LRRC40: variants seen among roughly 807,000 people sequenced by gnomAD.
LRRC40 encodes the protein leucine rich repeat containing 40.
Under a neutral mutation model 72.8 loss-of-function variants are expected in LRRC40, and 76 were observed. The ratio of observed to expected loss-of-function variants is 1.04; its 90% CI spans 0.87 to 1.26. LRRC40 has a LOEUF of 1.26. Ranked by LOEUF, LRRC40 falls within the 50% of genes most tolerant of loss-of-function variation. LRRC40 has a pLI of 0.00. For missense variants in LRRC40, 684 were observed against 698.9 expected, an observed-to-expected ratio of 0.98 and a Z score of 0.24; for synonymous variants, 243 against 254.2, an observed-to-expected ratio of 0.96 and a Z score of 0.42.
chr1:70,163,024 G>A (rs745469363), intron 9 of LRRC40, among the ~76,000 whole-genome samples: 3 of 151,654 alleles, frequency 2.0e-5, no homozygotes, highest in African/African-American at 7.3e-5. Flanking sequence ...GTCTCATTGG[G>A]CTAAAATCAG....
intron 1 of LRRC40, among the ~76,000 whole-genome samples, chr1:70,197,809 G>C (rs1413645569): frequency 3.3e-5 from 5 of 152,104 alleles, no homozygotes; most frequent in African/African-American, 1.2e-4. Flanking sequence ...GCTGGGTGCA[G>C]TGGCTCATGC....
At position 70,175,810 on chromosome 1, in the gene LRRC40, C is replaced by A; in HGVS notation, c.977G>T (p.Ser326Ile). The A allele has an allele frequency of 6.5e-7, 1 of 1,529,650 alleles. No individual in the cohort carries two copies. Among genetic ancestry groups the A allele is most frequent in the Non-Finnish European group, 8.8e-7 (1 of 1,136,272 alleles). 94.8% of individuals were successfully genotyped at this position (1,529,650 alleles called of 1,614,324 possible). A position where few individuals can be genotyped will look rare whatever the true frequency, so the allele number is the denominator to read the frequency against. ...RLDLSNNDISSLPYSLGNLHL... is the reference protein window; with the variant it reads ...RLDLSNNDISILPYSLGNLHL... Reference sequence around the variant, plus strand: ...CTATTCATTTGATATTTAAACTTACCTACTAATATCATTGTTGCTTAGGTC... The same window carrying A: ...CTATTCATTTGATATTTAAACTTACATACTAATATCATTGTTGCTTAGGTC... The change falls in exon 7 of 15, where the codon AGT becomes ATT. Residue 326 changes from serine to isoleucine, a missense_variant and splice_region_variant. Ser to Ile is a moderately radical substitution (Grantham distance 142). Transcript: ENST00000370952.
In LRRC40 at chr1:70,187,028, TA is replaced by T. The variant is rs981065149; in HGVS notation, c.407+236del. 4.6e-5 allele frequency among the ~76,000 whole-genome samples: 7 copies of T among 151,568 alleles called. No homozygotes were observed. The East Asian group carries it at 7.7e-4, about 17-fold the overall frequency. Reference sequence around the variant, plus strand: ...ATAAAAAAAAAAAAATTTAAGCATTTAAAAAAAATCAACTAGCCTTGCATTT... The same window carrying T: ...ATAAAAAAAAAAAAATTTAAGCATTTAAAAAAATCAACTAGCCTTGCATTT... On this transcript the variant is annotated intron_variant, in intron 3 of 14. Transcript: ENST00000370952.
In LRRC40 at chr1:70,205,528, T is replaced by C. The variant is rs1668930085; in HGVS notation, c.13A>G (p.Lys5Glu). The C allele has an allele frequency of 6.3e-7, 1 of 1,596,478 alleles. No individual in the cohort carries two copies. The highest frequency in any genetic ancestry group is 8.6e-7 in the Non-Finnish European group (1 of 1,166,646). The change falls in exon 1 of 15, where the codon AAG becomes GAG. Residue 5 changes from lysine (K) to glutamate (E), a missense_variant. Coordinates refer to ENST00000370952, the MANE Select transcript of LRRC40 (RefSeq NM_017768.5). Reference protein sequence around the residue: MSRLKRIAGQDLRAG... With the variant: MSRLERIAGQDLRAG... ...CGGAGATCCTGCCCCGCTATCCGCT[T>C]CAGGCGCGACATGTTCAAAGTCCTA...
At chr1:70,149,909 A>G (rs1416063725) in intron 13 of LRRC40, among the ~76,000 whole-genome samples, 3 of 151,986 alleles carry the variant, frequency 2.0e-5, no homozygotes, top group African/African-American at 7.2e-5. Context: ...AGCTGCTAAT[A>G]TTTTATTTTT....
At position 70,151,210 on chromosome 1, in the gene LRRC40, A is replaced by G. The variant is rs1667478513; in HGVS notation, c.1440-5T>C. ...AAAGAATTTAAAAAATTGTTCCTAA[A>G]TTGGAAATCAAAACAGAAGATTTAC... is the stretch of plus-strand genomic sequence containing the variant. On this transcript the variant is annotated splice_region_variant and splice_polypyrimidine_tract_variant and intron_variant, in intron 12 of 14. Transcript: ENST00000370952. 4.8e-6 allele frequency: 7 copies of G among 1,464,030 alleles called. No individual in the cohort carries two copies. Among genetic ancestry groups the G allele is most frequent in the Non-Finnish European group, 5.7e-6 (6 of 1,047,508 alleles). The allele number at this position is 1,464,030 out of a possible 1,614,324, so 90.7% of individuals were successfully genotyped here.
chr1:70,194,689 A>G lies in LRRC40; in HGVS notation c.152-5416T>C, dbSNP rs1245599611. Among the ~76,000 whole-genome samples the G allele has an allele frequency of 2.0e-5, 3 of 152,234 alleles. No homozygotes were observed. The South Asian group carries it at 6.2e-4, about 32-fold the overall frequency. On this transcript the variant is annotated intron_variant, in intron 1 of 14. Transcript: ENST00000370952. ...GCACAATCCTAATAAAAATCCCAGA[A>G]AGCTTTTCTGTAGAAATTAACAAGC...
At chr1:70,152,386 A>T in intron 12 of LRRC40, 47 bp downstream of exon 12, 3 of 973,916 alleles carry the variant, frequency 3.1e-6, no homozygotes, top group Non-Finnish European at 4.8e-6. Flanking sequence ...AAACTCAAAG[A>T]CAAGTTATAA....
chr1:70,183,945 TTTATTATTC>T (rs1188633497), intron 4 of LRRC40, among the ~76,000 whole-genome samples: 1 of 152,178 alleles, frequency 6.6e-6, no homozygotes, highest in African/African-American at 2.4e-5. Flanking sequence ...GTCTATTGTT[TTTATTATTC>T]TTAATAATAC....
At chr1:70,171,492 T>A (rs1199613106) in intron 9 of LRRC40, among the ~76,000 whole-genome samples, 2 of 151,892 alleles carry the variant, frequency 1.3e-5, no homozygotes, top group Non-Finnish European at 2.9e-5. Flanking sequence ...TACAGCTCAA[T>A]GATTTAAAAA....
intron 9 of LRRC40, among the ~76,000 whole-genome samples, chr1:70,170,520 T>C (rs1667978311): frequency 6.6e-6 from 1 of 152,158 alleles, no homozygotes; most frequent in Non-Finnish European, 1.5e-5. Flanking sequence ...TTGGAACTAA[T>C]AGTTTCATCA....
At chr1:70,174,983 C>T (rs144660227) in intron 7 of LRRC40, among the ~76,000 whole-genome samples, 260 of 151,960 alleles carry the variant, frequency 1.7e-3, no homozygotes, top group African/African-American at 6.1e-3. Context: ...AAATGCTAAA[C>T]AAGTCATGTT....
intron 14 of LRRC40, among the ~76,000 whole-genome samples, chr1:70,147,655 A>G (rs1211379282): frequency 6.6e-6 from 1 of 152,206 alleles, no homozygotes; most frequent in African/African-American, 2.4e-5. Context: ...TAACTGCCAC[A>G]AAGAATAAGA....
At chr1:70,176,852 A>C (rs1247318174) in intron 6 of LRRC40, among the ~76,000 whole-genome samples, 1 of 152,240 alleles carries the variant, frequency 6.6e-6, no homozygotes, top group Admixed American at 6.5e-5. Flanking sequence ...TGCATTTAAT[A>C]TATGTAGATA....
intron 1 of LRRC40, among the ~76,000 whole-genome samples, chr1:70,199,572 T>A (rs1439133731): frequency 6.6e-6 from 1 of 152,204 alleles, no homozygotes; most frequent in African/African-American, 2.4e-5. Context: ...AAGATGAGAA[T>A]GAAGACCTTT....
At chr1:70,194,245 G>A (rs1037902639) in intron 1 of LRRC40, among the ~76,000 whole-genome samples, 1 of 152,036 alleles carries the variant, frequency 6.6e-6, no homozygotes, top group African/African-American at 2.4e-5. Context: ...GTTTAGAACA[G>A]TCACAAAATT....
chr1:70,157,791 A>C (rs989124360), intron 10 of LRRC40, among the ~76,000 whole-genome samples: 3 of 152,132 alleles, frequency 2.0e-5, no homozygotes, highest in African/African-American at 4.8e-5. Flanking sequence ...ATAAATGGGT[A>C]TATTATTTGG....
At chr1:70,185,064 A>G (rs1668330481) in intron 3 of LRRC40, 150 bp from the exon 4 acceptor site, 1 of 571,694 alleles carries the variant, frequency 1.7e-6, no homozygotes. Flanking sequence ...ATATCCAAAA[A>G]TATGTACTCA....
At chr1:70,185,579 T>C (rs1668343062) in intron 3 of LRRC40, among the ~76,000 whole-genome samples, 1 of 152,228 alleles carries the variant, frequency 6.6e-6, no homozygotes. Context: ...TATGTCTTTA[T>C]CAGCAGCATG....
Sources: allele counts gnomAD v4.1 joint callset (sites outside exome capture counted in the v4.1 genomes callset), GRCh38; gene constraint gnomAD v4.1.1; transcripts MANE v1.5; gene names NCBI Gene and HGNC (gene_info 2026-07-23, HGNC 2026-07-21).